Variants in ANKRD30B observed in about 807,000 individuals in gnomAD.
ANKRD30B encodes ankyrin repeat domain-containing protein 30B.
ANKRD30B carries 144 observed loss-of-function variants against 202.2 expected under a neutral mutation model. The observed-to-expected ratio is 0.71, with a 90% confidence interval of 0.62 to 0.82. ANKRD30B has a LOEUF of 0.82. ANKRD30B is among the 40% of genes least tolerant of loss of function. The pLI is 0.00. For missense variants in ANKRD30B, 1,487 were observed against 1,669.1 expected (o/e 0.89, Z 1.90); for synonymous variants, 508 against 561.3 (o/e 0.91, Z 1.34).
At chr18:14,933,603 G>T in the ANKRD30B span, among the ~76,000 whole-genome samples, 1 of 152,126 alleles carries the variant, frequency 6.6e-6, no homozygotes. Context: ...GCTCAGCTGA[G>T]GCTTCCTCTC....
At chr18:14,809,526 T>G (rs1222115690) in intron 26 of ANKRD30B, among the ~76,000 whole-genome samples, 1 of 150,810 alleles carries the variant, frequency 6.6e-6, no homozygotes, top group Non-Finnish European at 1.5e-5. Flanking sequence ...CTTATCCATA[T>G]GGACAGGCAC....
At chr18:14,826,658 C>G (rs1470041414) in intron 32 of ANKRD30B, among the ~76,000 whole-genome samples, 1 of 133,798 alleles carries the variant, frequency 7.5e-6, no homozygotes, top group Non-Finnish European at 1.6e-5. Flanking sequence ...TGTATTGTTT[C>G]TCTCTCTCTC....
chr18:14,824,846 A>C (rs1008516267), intron 32 of ANKRD30B, among the ~76,000 whole-genome samples: 1 of 152,194 alleles, frequency 6.6e-6, no homozygotes, highest in African/African-American at 2.4e-5. Context: ...CCATTGTAGC[A>C]TGAAAGCAGT....
intron 4 of ANKRD30B, among the ~76,000 whole-genome samples, chr18:14,755,385 C>A (rs531457314): frequency 1.2e-4 from 18 of 151,992 alleles, no homozygotes; most frequent in African/African-American, 4.3e-4. Context: ...TTTTTATACA[C>A]TTTTTTAATT....
the ANKRD30B span, among the ~76,000 whole-genome samples, chr18:14,923,993 C>G: frequency 2.0e-5 from 3 of 152,194 alleles, no homozygotes; most frequent in Admixed American, 1.3e-4. Flanking sequence ...TTTCCAAACT[C>G]TCCATGTACT....
rs766409770 is a variant in ANKRD30B at position 14,850,374 on chromosome 18, T to C, written c.3556T>C (p.Leu1186=). Residue 1186 remains leucine, a synonymous_variant, in exon 41 of 44, where the codon TTG becomes CTG. Coordinates refer to ENST00000690538, the MANE Select transcript of ANKRD30B (RefSeq NM_001367607.2). Reference sequence around the variant, plus strand: ...AGAATTGAAAAGTGTAACAAGTAATTTGAATCAGGTAAATCAATCTCTGGC... The same window carrying C: ...AGAATTGAAAAGTGTAACAAGTAATCTGAATCAGGTAAATCAATCTCTGGC... ...DIELKSVTSN[L]NQVSHTHESE... The C allele has an allele frequency of 1.9e-6, 3 of 1,544,750 alleles. No homozygotes were observed. The South Asian group carries it at 3.8e-5, about 19-fold the overall frequency.
At position 14,748,441 on chromosome 18, in the gene ANKRD30B, G is replaced by T. The variant is rs770423253; in HGVS notation, c.22G>T (p.Ala8Ser). Residue 8 changes from alanine (A) to serine (S), a missense_variant, in exon 1 of 44, where the codon GCT (alanine) becomes TCT (serine). Around this residue, in one of 6 missense-constraint regions of ANKRD30B, gnomAD observed 889 missense variants for 841.4 expected, o/e 1.06. Transcript: ENST00000690538. ...AGCCATGAAGAGGCTCTTAGCTGCC[G>T]CTGGCAAGGGCGTGCGGGGCCCGGA... MKRLLAA[A>S]GKGVRGPEPP... 6.6e-7 allele frequency: 1 copy of T among 1,514,974 alleles called. No individual in the cohort carries two copies. Among genetic ancestry groups the T allele is most frequent in the South Asian group, 1.3e-5 (1 of 79,532 alleles). The allele number at this position is 1,514,974 out of a possible 1,614,324, so 93.8% of individuals were successfully genotyped here.
intron 16 of ANKRD30B, among the ~76,000 whole-genome samples, chr18:14,795,623 A>C (rs1968822301): frequency 6.6e-6 from 1 of 152,240 alleles, no homozygotes; most frequent in Non-Finnish European, 1.5e-5. Context: ...TTCAAAAATA[A>C]ATATATTTAT....
rs200439316 is a variant in ANKRD30B, at chr18:14,789,254, A to C, written c.1735-2147A>C. Among the ~76,000 whole-genome samples the C allele has an allele frequency of 3.9e-5, 6 of 152,166 alleles. No homozygotes were observed. The South Asian group carries it at 6.2e-4, about 16-fold the overall frequency. ...TTTGATGGGGTTGTTTTATTCTTGT[A>C]AATTTGTTTGAGTTCATTGTAGATT... On this transcript the variant is annotated intron_variant, in intron 15 of 43. Coordinates refer to ENST00000690538, the MANE Select transcript of ANKRD30B (RefSeq NM_001367607.2).
At position 14,781,439 on chromosome 18, in the gene ANKRD30B, C is replaced by T. The variant is rs1233718438; in HGVS notation, c.1483-1088C>T. Among the ~76,000 whole-genome samples, 5 of 126,002 alleles carry T rather than the reference C, an allele frequency of 4.0e-5. 1 individual carries two copies. Among genetic ancestry groups the T allele is most frequent in the Admixed American group, 1.6e-4 (2 of 12,562 alleles). The allele number at this position is 126,002 out of a possible 152,430, so 82.7% of individuals were successfully genotyped here. On this transcript the variant is annotated intron_variant, in intron 11 of 43. Coordinates refer to ENST00000690538, the MANE Select transcript of ANKRD30B (RefSeq NM_001367607.2). ...CCTCCGGAGTAGCTGGGACTACAGG[C>T]GCCCGCCACCACGCCCAGCTAATTT...
chr18:14,937,027 A>C, the ANKRD30B span, among the ~76,000 whole-genome samples: 54 of 152,328 alleles, frequency 3.5e-4, no homozygotes, highest in East Asian at 4.1e-3. Flanking sequence ...GAAGGACTGC[A>C]GAGCCCAAGC....
At chr18:14,838,472 A>G (rs1044328099) in intron 36 of ANKRD30B, among the ~76,000 whole-genome samples, 1 of 152,284 alleles carries the variant, frequency 6.6e-6, no homozygotes, top group African/African-American at 2.4e-5. Context: ...CTGTAAAACT[A>G]TAATAACAAC....
At chr18:14,793,646 G>A (rs192218694) in intron 16 of ANKRD30B, among the ~76,000 whole-genome samples, 114 of 152,192 alleles carry the variant, frequency 7.5e-4, no homozygotes, top group Middle Eastern at 3.4e-3. Context: ...TGTAATCCCA[G>A]CACTTTGGGA....
downstream of ANKRD30B, among the ~76,000 whole-genome samples, chr18:14,854,984 G>A (rs1430417317): frequency 6.6e-6 from 1 of 152,178 alleles, no homozygotes; most frequent in African/African-American, 2.4e-5. Flanking sequence ...TAGGATAATA[G>A]TGGAGAGAAG....
chr18:14,915,117 C>G, the ANKRD30B span, among the ~76,000 whole-genome samples: 1 of 152,164 alleles, frequency 6.6e-6, no homozygotes, highest in African/African-American at 2.4e-5. Context: ...ATGCTCCCCC[C>G]ACTATTTCCA....
In ANKRD30B at chr18:14,799,109, G is replaced by A. The variant is rs1233235837; in HGVS notation, c.2038G>A (p.Asp680Asn). Residue 680 changes from aspartate to asparagine, a missense_variant, in exon 21 of 44, where the codon GAT becomes AAT. By Grantham distance (23) the Asp-to-Asn change is conservative. Coordinates refer to ENST00000690538, the MANE Select transcript of ANKRD30B (RefSeq NM_001367607.2). The part of the protein sequence containing the change: ...DRETLKAESP[D>N]NDGLLKPTCG... ...TGTCCCTTTTCTTTTAGAGTCTCCT[G>A]ATAATGATGGTCTTCTGAAGGTAAT... The A allele has an allele frequency of 6.3e-7, 1 of 1,576,682 alleles. No homozygotes were observed. The highest frequency in any genetic ancestry group is 1.4e-5 in the African/African-American group (1 of 73,978).
chr18:14,821,038 A>C (rs1380905395), intron 30 of ANKRD30B, among the ~76,000 whole-genome samples: 107 of 152,302 alleles, frequency 7.0e-4, no homozygotes, highest in Non-Finnish European at 6.2e-4. Context: ...CCACAATTTC[A>C]GATCCTGTTA....
the ANKRD30B span, among the ~76,000 whole-genome samples, chr18:14,927,973 A>ATT: frequency 6.8e-6 from 1 of 146,296 alleles, no homozygotes; most frequent in African/African-American, 2.5e-5. Context: ...TGTGATGGTA[A>ATT]TTTTTTTTTT....
intron 36 of ANKRD30B, among the ~76,000 whole-genome samples, chr18:14,839,636 G>T (rs1337576794): frequency 6.6e-6 from 1 of 152,048 alleles, no homozygotes. Flanking sequence ...CCTTAAGAAC[G>T]AATTGCATAC....
Sources: allele counts gnomAD v4.1 joint callset (sites outside exome capture counted in the v4.1 genomes callset), GRCh38; gene constraint gnomAD v4.1.1; regional missense constraint gnomAD v4.1.1; transcripts MANE v1.5; gene names NCBI Gene and HGNC (gene_info 2026-07-23, HGNC 2026-07-21).